Variants in ANKRD36 observed in about 807,000 individuals in gnomAD.
The protein encoded by ANKRD36 is ankyrin repeat domain-containing protein 36A.
Under a neutral mutation model 278.1 loss-of-function variants are expected in ANKRD36, and 179 were observed. The ratio of observed to expected loss-of-function variants is 0.64; its 90% CI spans 0.57 to 0.73. ANKRD36 has a LOEUF of 0.73. Among genes scored for constraint, ANKRD36 ranks in the 30% least tolerant of loss-of-function variants. The probability of loss-of-function intolerance (pLI) is 0.00; values close to 1 mark genes in which losing one functional copy is unlikely to be tolerated. For synonymous variants in ANKRD36, 320 were observed against 641.1 expected (o/e 0.50, Z 7.57); for missense variants, 1,159 against 1,956.7 (o/e 0.59, Z 7.69).
At chr2:97,213,015 T>G in intron 58 of ANKRD36, 1 of 420,324 alleles carries the variant, frequency 2.4e-6, no homozygotes, top group South Asian at 2.4e-5. Context: ...GTTTGTACTA[T>G]AATGGTGTAA....
At chr2:97,223,011 T>G (rs2068196074) in intron 66 of ANKRD36, among the ~76,000 whole-genome samples, 1 of 152,034 alleles carries the variant, frequency 6.6e-6, no homozygotes, top group South Asian at 2.1e-4. Flanking sequence ...GCACTGATTT[T>G]GAAGTATAAA....
At chr2:97,209,894 A>T in intron 56 of ANKRD36, 22 bp downstream of exon 56, 1 of 1,560,954 alleles carries the variant, frequency 6.4e-7, no homozygotes, top group Non-Finnish European at 8.6e-7. Flanking sequence ...AACAGATTTA[A>T]TGTCATGTTC....
In ANKRD36 at chr2:97,207,960, T is replaced by C. The variant is rs1246942182; in HGVS notation, c.3219T>C (p.Val1073=). ...CTACAAGTGCCGAGAAAGATTCTGT[T>C]TTGAATATAGCCAGAGGAAAAAAGT... The part of the protein sequence containing the change: ...LKATSAEKDS[V]LNIARGKKYG... Residue 1073 remains valine, a synonymous_variant, in exon 54 of 76, where the codon GTT becomes GTC. Coordinates refer to ENST00000420699, the MANE Select transcript of ANKRD36 (RefSeq NM_001354587.1). 4.6e-6 allele frequency: 7 copies of C among 1,526,692 alleles called. No individual in the cohort carries two copies. In the South Asian group the frequency reaches 8.4e-5, roughly 18 times the overall value. 94.6% of individuals were successfully genotyped at this position (1,526,692 alleles called of 1,614,324 possible). A position where few individuals can be genotyped will look rare whatever the true frequency, so the allele number is the denominator to read the frequency against.
At chr2:97,159,499 T>A (rs907664944) in intron 17 of ANKRD36, among the ~76,000 whole-genome samples, 2 of 148,040 alleles carry the variant, frequency 1.4e-5, no homozygotes, top group Non-Finnish European at 3.0e-5. Context: ...AGTGATGTCT[T>A]ATATTTTATC....
intron 42 of ANKRD36, among the ~76,000 whole-genome samples, chr2:97,197,948 G>T (rs2060243722): frequency 6.6e-6 from 1 of 151,868 alleles, no homozygotes; most frequent in Admixed American, 6.6e-5. Flanking sequence ...GATCAATTTA[G>T]GACCCTTCCA....
At chr2:97,187,008 C>A (rs1010146980) in intron 30 of ANKRD36, among the ~76,000 whole-genome samples, 190 bp from the exon 31 acceptor site, 4 of 151,796 alleles carry the variant, frequency 2.6e-5, no homozygotes, top group Non-Finnish European at 5.9e-5. Flanking sequence ...AGGAATATAT[C>A]GTGGCACATC....
intron 54 of ANKRD36, among the ~76,000 whole-genome samples, chr2:97,208,335 G>A (rs1337280055): frequency 2.0e-5 from 3 of 146,618 alleles, no homozygotes; most frequent in Admixed American, 6.8e-5. Context: ...AAGAGAGGAA[G>A]TATAGAATTT....
chr2:97,185,274 A>T (rs745766946), intron 28 of ANKRD36, 42 bp from the exon 29 acceptor site: 1 of 1,577,386 alleles, frequency 6.3e-7, no homozygotes, highest in Non-Finnish European at 8.7e-7. Context: ...TAACTTTATC[A>T]TATTTACATA....
chr2:97,117,690 G>C (rs1419287732), intron 1 of ANKRD36, among the ~76,000 whole-genome samples: 4 of 152,000 alleles, frequency 2.6e-5, no homozygotes, highest in Middle Eastern at 3.4e-3. Context: ...AAAAATTATT[G>C]AGCTGTTATT....
At position 97,193,787 on chromosome 2, in the gene ANKRD36, T is replaced by C. The variant is rs556634483; in HGVS notation, c.2449+734T>C. Among the ~76,000 whole-genome samples, 305 of 151,440 alleles carry C rather than the reference T, an allele frequency of 2.0e-3. 4 individuals are homozygous for C. The highest frequency in any genetic ancestry group is 0.015 in the South Asian group (70 of 4,782). On this transcript the variant is annotated intron_variant, in intron 38 of 75. Coordinates refer to ENST00000420699, the MANE Select transcript of ANKRD36 (RefSeq NM_001354587.1). ...CAGATAATCTTGAATGTGAATAAAT[T>C]TTGCTTCCTTGTTCAAGGAGCTACC...
intron 22 of ANKRD36, among the ~76,000 whole-genome samples, chr2:97,170,364 T>G (rs1032669504): frequency 6.6e-6 from 1 of 151,510 alleles, no homozygotes; most frequent in African/African-American, 2.4e-5. Context: ...GAGCTATAGA[T>G]CAATGGAACA....
At chr2:97,130,056 T>C (rs1297497851) in intron 6 of ANKRD36, among the ~76,000 whole-genome samples, 7 of 152,080 alleles carry the variant, frequency 4.6e-5, no homozygotes, top group Admixed American at 1.3e-4. Flanking sequence ...ATAAATTACC[T>C]TGGGCAGTAC....
intron 67 of ANKRD36, among the ~76,000 whole-genome samples, chr2:97,228,499 G>C (rs1225048588): frequency 3.3e-5 from 5 of 151,952 alleles, no homozygotes; most frequent in Admixed American, 2.0e-4. Context: ...TTATCATTTT[G>C]TATTGCATCT....
intron 48 of ANKRD36, among the ~76,000 whole-genome samples, chr2:97,203,852 C>A (rs1156940458): frequency 6.6e-6 from 1 of 151,764 alleles, no homozygotes; most frequent in Non-Finnish European, 1.5e-5. Context: ...ACAAATCATA[C>A]CATGTTTGAA....
intron 67 of ANKRD36, among the ~76,000 whole-genome samples, chr2:97,232,238 T>A: frequency 6.6e-6 from 1 of 150,822 alleles, no homozygotes; most frequent in Non-Finnish European, 1.5e-5. Context: ...AAAAGACATC[T>A]AAGAAAGAAA....
chr2:97,175,460 C>T (rs528353210), intron 22 of ANKRD36, among the ~76,000 whole-genome samples: 5 of 151,910 alleles, frequency 3.3e-5, no homozygotes, highest in East Asian at 1.9e-4. Flanking sequence ...TCTGTGGGAT[C>T]GGTGGTGATA....
chr2:97,141,361 G>A (rs945436096), intron 6 of ANKRD36, among the ~76,000 whole-genome samples: 4 of 142,272 alleles, frequency 2.8e-5, no homozygotes, highest in Non-Finnish European at 6.1e-5. Context: ...TGACATGTAT[G>A]TTTTTGCAAA....
intron 22 of ANKRD36, among the ~76,000 whole-genome samples, chr2:97,171,107 T>G (rs1386974256): frequency 1.4e-5 from 2 of 138,328 alleles, no homozygotes; most frequent in African/African-American, 2.7e-5. Flanking sequence ...TTGGTGGGAC[T>G]GTAAACTAGT....
At chr2:97,210,801 G>A (rs1204314217) in intron 56 of ANKRD36, among the ~76,000 whole-genome samples, 1 of 151,840 alleles carries the variant, frequency 6.6e-6, no homozygotes, top group African/African-American at 2.4e-5. Flanking sequence ...AATATCTAAT[G>A]CTTGTAGCAG....
Sources: gnomAD v4.1 joint callset for allele counts (sites outside exome capture counted in the v4.1 genomes callset) on GRCh38, gnomAD v4.1.1 for gene constraint, MANE v1.5 for transcripts, NCBI Gene and HGNC (gene_info 2026-07-23, HGNC 2026-07-21) for gene names.